The following TCF7L2 variants were observed in gnomAD, a reference collection of about 807,000 sequenced individuals.
TCF7L2 encodes the protein transcription factor 7-like 2.
A neutral mutation model predicts 77.9 loss-of-function variants in TCF7L2; 23 were observed. That is an observed-to-expected ratio of 0.30 (90% CI 0.21 to 0.42). The LOEUF is 0.42. Among genes scored for constraint, TCF7L2 ranks in the 10% least tolerant of loss-of-function variants. The pLI, the probability that TCF7L2 is intolerant of heterozygous loss-of-function variation, is 1.00. For synonymous variants in TCF7L2, 413 were observed against 340.2 expected (o/e 1.21, Z -2.36); for missense variants, 654 against 793.1 (o/e 0.82, Z 2.11).
chr10:113,080,596 G>A (rs1446091207), intron 5 of TCF7L2, among the ~76,000 whole-genome samples: 1 of 152,122 alleles, frequency 6.6e-6, no homozygotes, highest in African/African-American at 2.4e-5. Flanking sequence ...TTATATCTTT[G>A]TATGCTCCCA....
intron 5 of TCF7L2, among the ~76,000 whole-genome samples, chr10:113,076,231 G>A (rs10885412): frequency 0.13 from 19,349 of 151,596 alleles, 1,320 homozygotes; most frequent in Middle Eastern, 0.23. Flanking sequence ...TTTAGCTCCT[G>A]GACTCAAGCA....
At chr10:113,087,908 T>C (rs1211624809) in intron 5 of TCF7L2, among the ~76,000 whole-genome samples, 1 of 152,242 alleles carries the variant, frequency 6.6e-6, no homozygotes, top group African/African-American at 2.4e-5. Context: ...GCTCTAAAGA[T>C]GTGGCTGCTG....
At chr10:112,973,779 C>T (rs778665882) in intron 4 of TCF7L2, among the ~76,000 whole-genome samples, 88 of 152,100 alleles carry the variant, frequency 5.8e-4, no homozygotes, top group East Asian at 1.4e-3. Flanking sequence ...TTGGTAGATA[C>T]GGCGTTTCAC....
chr10:113,138,835 G>A (rs1564947608), intron 5 of TCF7L2, among the ~76,000 whole-genome samples: 1 of 152,090 alleles, frequency 6.6e-6, no homozygotes, highest in Non-Finnish European at 1.5e-5. Context: ...CTTGGGTCCT[G>A]AGCCCAGACC....
At chr10:113,073,129 T>TGTGTGTGTGTGA (rs56927661) in intron 5 of TCF7L2, among the ~76,000 whole-genome samples, 179 of 123,556 alleles carry the variant, frequency 1.4e-3, no homozygotes, top group South Asian at 3.1e-3. Flanking sequence ...TGTGTGTGTG[T>TGTGTGTGTGTGA]GAGAGAGAGA....
Position 112,967,861 on chromosome 10 carries a change from C to T in TCF7L2, c.450+3237C>T, listed in dbSNP as rs531392968. Among the ~76,000 whole-genome samples the T allele has an allele frequency of 2.0e-5, 3 of 152,260 alleles. No individual in the cohort carries two copies. The East Asian group carries it at 5.8e-4, about 29-fold the overall frequency. ...TGTTGGTCAGGCTGGTCTCGAACTC[C>T]CGACCTCAGGTGATCCTCCTGCCTC... is the stretch of plus-strand genomic sequence containing the variant. On this transcript the variant is annotated intron_variant, in intron 4 of 13. Transcript: ENST00000627217.
At chr10:113,126,995 A>G (rs1036510516) in intron 5 of TCF7L2, 2 of 908,118 alleles carry the variant, frequency 2.2e-6, no homozygotes, top group African/African-American at 3.6e-5. Context: ...GCATGCTCTC[A>G]GCCTTTGCCA....
intron 4 of TCF7L2, among the ~76,000 whole-genome samples, chr10:112,994,916 A>G (rs2043190042): frequency 6.6e-6 from 1 of 152,156 alleles, no homozygotes; most frequent in Admixed American, 6.5e-5. Flanking sequence ...CCTGGCCAAC[A>G]TGGCGAAACC....
At chr10:113,135,180 G>A (rs927956564) in intron 5 of TCF7L2, among the ~76,000 whole-genome samples, 2 of 152,300 alleles carry the variant, frequency 1.3e-5, no homozygotes, top group East Asian at 1.9e-4. Flanking sequence ...GAGGAACAGC[G>A]TCTGGATGGG....
At chr10:113,007,040 C>G (rs762808094) in intron 4 of TCF7L2, among the ~76,000 whole-genome samples, 1 of 152,238 alleles carries the variant, frequency 6.6e-6, no homozygotes, top group Non-Finnish European at 1.5e-5. Context: ...CATTCCTTTC[C>G]CTTCAGCATT....
chr10:112,986,868 T>C (rs973835259), intron 4 of TCF7L2, among the ~76,000 whole-genome samples: 1 of 152,212 alleles, frequency 6.6e-6, no homozygotes, highest in Non-Finnish European at 1.5e-5. Context: ...ATAATTTTAA[T>C]ACCTGGACCT....
intron 4 of TCF7L2, among the ~76,000 whole-genome samples, chr10:113,009,855 G>A (rs1231254447): frequency 6.6e-6 from 1 of 152,152 alleles, no homozygotes; most frequent in Non-Finnish European, 1.5e-5. Flanking sequence ...GAGATGAAAG[G>A]TTTTCTCCAG....
At chr10:113,101,418 C>T (rs1016398279) in intron 5 of TCF7L2, among the ~76,000 whole-genome samples, 1 of 152,074 alleles carries the variant, frequency 6.6e-6, no homozygotes, top group Non-Finnish European at 1.5e-5. Flanking sequence ...TGGTGCATAC[C>T]TGTAGTCCCA....
At chr10:113,033,432 T>G (rs148936109) in intron 4 of TCF7L2, among the ~76,000 whole-genome samples, 2 of 151,934 alleles carry the variant, frequency 1.3e-5, no homozygotes, top group Non-Finnish European at 2.9e-5. Context: ...CTAATTTTTT[T>G]TTTTTGGTAG....
intron 4 of TCF7L2, among the ~76,000 whole-genome samples, chr10:113,038,162 G>A (rs2051695686): frequency 6.6e-6 from 1 of 152,090 alleles, no homozygotes; most frequent in African/African-American, 2.4e-5. Context: ...TACTGTCTGG[G>A]GGCTTGGAGT....
Position 113,165,991 on chromosome 10 carries a change from C to CA in TCF7L2, c.*19_*20insA, listed in dbSNP as rs141448155. The CA allele has an allele frequency of 2.0e-4, 296 of 1,465,472 alleles. No homozygotes were observed. Among genetic ancestry groups the CA allele is most frequent in the African/African-American group, 1.7e-3 (117 of 70,670 alleles). The allele number at this position is 1,465,472 out of a possible 1,614,324, so 90.8% of individuals were successfully genotyped here. On this transcript the variant is annotated 3_prime_UTR_variant, in exon 14 of 14. Transcript: ENST00000627217. Reference sequence around the variant, plus strand: ...AGAATAGCTTTAGCGTCGTGAACCCCGCTGCTTTGTTTATGGTTTTGTTTC... The same window carrying CA: ...AGAATAGCTTTAGCGTCGTGAACCCCAGCTGCTTTGTTTATGGTTTTGTTTC...
At chr10:112,974,019 C>T (rs770306640) in intron 4 of TCF7L2, among the ~76,000 whole-genome samples, 4 of 152,158 alleles carry the variant, frequency 2.6e-5, no homozygotes, top group African/African-American at 7.2e-5. Flanking sequence ...TTGGTGGACA[C>T]GGGACAAGAC....
intron 5 of TCF7L2, among the ~76,000 whole-genome samples, chr10:113,079,258 CT>C (rs2059058819): frequency 6.6e-6 from 1 of 152,154 alleles, no homozygotes; most frequent in Admixed American, 6.5e-5. Context: ...ATTAAGAAGC[CT>C]AGGCATGATG....
intron 5 of TCF7L2, among the ~76,000 whole-genome samples, chr10:113,055,934 G>A (rs1435449925): frequency 6.6e-6 from 1 of 152,146 alleles, no homozygotes; most frequent in African/African-American, 2.4e-5. Context: ...GGTTTTTTTG[G>A]TAGGAATCTA....
Sources: gnomAD v4.1 joint callset for allele counts (sites outside exome capture counted in the v4.1 genomes callset) on GRCh38, gnomAD v4.1.1 for gene constraint, MANE v1.5 for transcripts, NCBI Gene and HGNC (gene_info 2026-07-23, HGNC 2026-07-21) for gene names.